DLG3: variants seen among roughly 807,000 people sequenced by gnomAD.
DLG3 encodes discs large MAGUK scaffold protein 3.
DLG3 carries 1 observed loss-of-function variant against 64.1 expected under a neutral mutation model. The observed-to-expected ratio is 0.02, with a 90% CI of 0.01 to 0.07. The LOEUF is 0.07. Ranked by LOEUF, DLG3 falls within the 10% of genes least tolerant of loss-of-function variation. The pLI, the probability that DLG3 is intolerant of heterozygous loss-of-function variation, is 1.00. For synonymous variants in DLG3, 245 were observed against 259.8 expected (o/e 0.94, Z 0.55); for missense variants, 429 against 669.5 (o/e 0.64, Z 3.96).
chrX:70,457,728 C>T (rs187216138), intron 9 of DLG3, among the ~76,000 whole-genome samples: 215 of 109,840 alleles, frequency 2.0e-3, no homozygotes, highest in African/African-American at 6.8e-3. Flanking sequence ...CTCGCCACCA[C>T]GCCCGGCTAA....
chrX:70,445,828 G>A (rs1324791687), intron 1 of DLG3, among the ~76,000 whole-genome samples: 2 of 99,237 alleles, frequency 2.0e-5, no homozygotes, highest in African/African-American at 3.7e-5. Context: ...GGGGGAATTG[G>A]GTTTGTCTCA....
At chrX:70,487,198 G>A (rs965186682) in intron 10 of DLG3, among the ~76,000 whole-genome samples, 2 of 111,675 alleles carry the variant, frequency 1.8e-5, no homozygotes, top group African/African-American at 6.5e-5. Context: ...AGGTAATGAA[G>A]TTGGTCCCAT....
Position 70,495,410 on chromosome X carries a change from C to G in DLG3, c.1776C>G (p.Asp592Glu), listed in dbSNP as rs2087436780. The change falls in exon 13 of 19, where the codon GAC (aspartate) becomes GAG (glutamate). Residue 592 changes from aspartate (D) to glutamate (E), a missense_variant and splice_region_variant. This residue lies in a region of DLG3 where 46 missense variants were observed against 64.4 expected (regional missense o/e 0.71). Coordinates refer to ENST00000374360, the MANE Select transcript of DLG3 (RefSeq NM_021120.4). ...ARTGMIESNR[D>E]FPGLSDDYYG... ...GCCCTTGCTGTCTGTGAAATCAGGA[C>G]TTCCCGGGGTTAAGTGACGATTATT... The G allele has an allele frequency of 8.3e-7, 1 of 1,210,864 alleles. No homozygotes were observed. Among genetic ancestry groups the G allele is most frequent in the Non-Finnish European group, 1.1e-6 (1 of 895,071 alleles).
chrX:70,453,390 G>A (rs1043295172), intron 7 of DLG3: 1 of 378,031 alleles, frequency 2.6e-6, no homozygotes, highest in Non-Finnish European at 4.5e-6. Flanking sequence ...GAGAGAGTAG[G>A]GGACTGTCCA....
At chrX:70,448,125 G>A (rs1186835134) in intron 1 of DLG3, among the ~76,000 whole-genome samples, 1 of 112,083 alleles carries the variant, frequency 8.9e-6, no homozygotes, top group Non-Finnish European at 1.9e-5. Flanking sequence ...GACTCCTTCT[G>A]CCTATTTGAG....
At chrX:70,477,911 A>C (rs1352855986) in intron 9 of DLG3, among the ~76,000 whole-genome samples, 1 of 111,853 alleles carries the variant, frequency 8.9e-6, no homozygotes, top group African/African-American at 3.3e-5. Context: ...GTGCTGGAAC[A>C]GGTGTTTTGT....
chrX:70,447,332 T>C (rs920649931), intron 1 of DLG3, among the ~76,000 whole-genome samples: 1 of 111,999 alleles, frequency 8.9e-6, no homozygotes, highest in Non-Finnish European at 1.9e-5. Context: ...CACATGGGTG[T>C]CCCTTTGCTT....
At chrX:70,480,432 A>T (rs972137209) in intron 10 of DLG3, among the ~76,000 whole-genome samples, 2 of 111,928 alleles carry the variant, frequency 1.8e-5, no homozygotes, top group Non-Finnish European at 3.8e-5. Flanking sequence ...GAAGCCCACT[A>T]GAACCCTTCA....
chrX:70,445,518 G>T lies in DLG3; in HGVS notation c.317G>T (p.Trp106Leu). 1 of 1,189,502 alleles carries T rather than the reference G, an allele frequency of 8.4e-7. No individual in the cohort carries two copies. Among genetic ancestry groups the T allele is most frequent in the Non-Finnish European group, 1.1e-6 (1 of 884,552 alleles). ...PKLNGSGPSW[W>L]PECTCTNRDW... Reference sequence around the variant, plus strand: ...CTCAACGGCAGCGGCCCCAGCTGGTGGCCAGAGTGCACCTGTACCAACCGG... The same window carrying T: ...CTCAACGGCAGCGGCCCCAGCTGGTTGCCAGAGTGCACCTGTACCAACCGG... Residue 106 changes from tryptophan (W) to leucine (L), a missense_variant, in exon 1 of 19, where the codon TGG becomes TTG. By Grantham distance (61) the Trp-to-Leu change is moderately conservative (BLOSUM62 -2). This residue lies in a region of DLG3 where 123 missense variants were observed against 113.3 expected (regional missense o/e 1.09). Coordinates refer to ENST00000374360, the MANE Select transcript of DLG3 (RefSeq NM_021120.4).
At chrX:70,499,306 G>C in intron 15 of DLG3, 29 bp downstream of exon 15, 1 of 1,038,012 alleles carries the variant, frequency 9.6e-7, no homozygotes, top group Non-Finnish European at 1.4e-6. Context: ...CCAGAGGAGT[G>C]AGGCTTGGTG....
rs144839135 is a variant in DLG3 at position 70,450,253 on chromosome X, G to C, written c.788G>C (p.Gly263Ala). The change falls in exon 5 of 19, where the codon GGG becomes GCG. Residue 263 changes from glycine to alanine, a missense_variant. Gly to Ala is a moderately conservative substitution (Grantham distance 60). Transcript: ENST00000374360. ...ATCTACATCACCAAGATCATTGAGG[G>C]GGGTGCTGCTCAGAAGGATGGACGC... ...NSIYITKIIEGGAAQKDGRLQ... is the reference protein window; with the variant it reads ...NSIYITKIIEAGAAQKDGRLQ... 1 of 1,204,136 alleles carries C rather than the reference G, an allele frequency of 8.3e-7. No individual in the cohort carries two copies. The highest frequency in any genetic ancestry group is 1.8e-5 in the South Asian group (1 of 55,493).
chrX:70,445,827 G>A (rs1186128428), intron 1 of DLG3, among the ~76,000 whole-genome samples: 1 of 99,896 alleles, frequency 1.0e-5, no homozygotes, highest in African/African-American at 3.7e-5. Context: ...TGGGGGAATT[G>A]GGTTTGTCTC....
At chrX:70,484,331 T>C (rs912360451) in intron 10 of DLG3, among the ~76,000 whole-genome samples, 16 of 111,841 alleles carry the variant, frequency 1.4e-4, no homozygotes, top group African/African-American at 4.9e-4. Context: ...AGAAACAATG[T>C]CAGACATATT....
chrX:70,493,581 G>C, intron 12 of DLG3: 3 of 658,771 alleles, frequency 4.6e-6, no homozygotes, highest in Non-Finnish European at 7.3e-6. Context: ...GTGTGGCCTC[G>C]TGCCTGCCTG....
chrX:70,496,640 G>A (rs1335055260), intron 13 of DLG3, among the ~76,000 whole-genome samples: 2 of 112,375 alleles, frequency 1.8e-5, no homozygotes, highest in African/African-American at 6.5e-5. Context: ...CTCCTGCTTT[G>A]GAGTGGTGGC....
At chrX:70,454,626 C>A (rs2086669990) in intron 9 of DLG3, among the ~76,000 whole-genome samples, 1 of 111,789 alleles carries the variant, frequency 8.9e-6, no homozygotes, top group East Asian at 2.8e-4. Flanking sequence ...GGCGGAGGGC[C>A]CACAGGAGAA....
In DLG3 at chrX:70,445,359, G is replaced by A; in HGVS notation, c.158G>A (p.Gly53Asp). The change falls in exon 1 of 19, where the codon GGC (glycine) becomes GAC (aspartate). Residue 53 changes from glycine to aspartate, a missense_variant. Physicochemically the swap from Gly to Asp is moderately conservative, Grantham distance 94. Coordinates refer to ENST00000374360, the MANE Select transcript of DLG3 (RefSeq NM_021120.4). ...AACGGCGCCAGCGCGGGTTATGGGG[G>A]CTACAGCTCGCAGACCTTGCCCTCG... ...GGNGASAGYG[G>D]YSSQTLPSQA... is the part of the protein sequence containing the mutation. 1 of 1,174,183 alleles carries A rather than the reference G, an allele frequency of 8.5e-7. No individual in the cohort carries two copies. Among genetic ancestry groups the A allele is most frequent in the African/African-American group, 1.8e-5 (1 of 57,014 alleles).
At chrX:70,470,217 T>A (rs1312074661) in intron 9 of DLG3, among the ~76,000 whole-genome samples, 2 of 111,338 alleles carry the variant, frequency 1.8e-5, no homozygotes, top group Non-Finnish European at 3.8e-5. Context: ...GCTTCCCCAG[T>A]GTCATCGTCA....
At chrX:70,454,625 C>T (rs759182183) in intron 9 of DLG3, among the ~76,000 whole-genome samples, 2 of 111,800 alleles carry the variant, frequency 1.8e-5, no homozygotes, top group African/African-American at 6.5e-5. Context: ...GGGCGGAGGG[C>T]CCACAGGAGA....
Sources: allele counts gnomAD v4.1 joint callset (sites outside exome capture counted in the v4.1 genomes callset), GRCh38; gene constraint gnomAD v4.1.1; regional missense constraint gnomAD v4.1.1; transcripts MANE v1.5; gene names NCBI Gene and HGNC (gene_info 2026-07-23, HGNC 2026-07-21).